Variants in BLM observed in about 807,000 individuals in gnomAD.
BLM encodes BLM RecQ like helicase, also known as recQ-like DNA helicase BLM.
In BLM, 95 loss-of-function variants were observed where a neutral mutation model predicts 135.3. The observed-to-expected ratio is 0.70, with a 90% confidence interval of 0.59 to 0.83. The LOEUF (loss-of-function observed/expected upper bound fraction) is 0.83. Among genes scored for constraint, BLM ranks in the 40% least tolerant of loss-of-function variants. The pLI is 0.00. For synonymous variants in BLM, 520 were observed against 589.2 expected, an observed-to-expected ratio of 0.88 and a Z score of 1.70; for missense variants, 1,518 against 1,663.9, an observed-to-expected ratio of 0.91 and a Z score of 1.53.
intron 1 of BLM, among the ~76,000 whole-genome samples, chr15:90,747,186 A>G (rs1225270306): frequency 7.1e-6 from 1 of 141,502 alleles, no homozygotes; most frequent in East Asian, 2.2e-4. Flanking sequence ...TTAGTTGAAG[A>G]TTATATATTT....
chr15:90,775,345 G>A (rs534663413), intron 12 of BLM, among the ~76,000 whole-genome samples: 1 of 152,086 alleles, frequency 6.6e-6, no homozygotes, highest in South Asian at 2.1e-4. Flanking sequence ...TAAGGGATGA[G>A]TGGATGACCA....
At position 90,798,379 on chromosome 15, in the gene BLM, A is replaced by G. The variant is rs187046493; in HGVS notation, c.3358+42A>G. 12 of 1,593,006 alleles carry G rather than the reference A, an allele frequency of 7.5e-6. No homozygotes were observed. In the East Asian group the frequency reaches 2.7e-4, roughly 36 times the overall value. On this transcript the variant is annotated intron_variant, in intron 17 of 21. Transcript: ENST00000355112. The stretch of plus-strand genomic sequence containing the variant: ...GAATGTTTGAGTTACTTCAATTGAA[A>G]TTGAACATCTAAAGAATTTATTACA...
At position 90,729,598 on chromosome 15, in the gene BLM, C is replaced by T. The variant is rs146024553; in HGVS notation, c.-5+12158C>T. Among the ~76,000 whole-genome samples the T allele has an allele frequency of 2.0e-3, 298 of 152,308 alleles. 1 individual carries two copies. The highest frequency in any genetic ancestry group is 7.0e-3 in the African/African-American group (290 of 41,576). On this transcript the variant is annotated intron_variant, in intron 1 of 21. Transcript: ENST00000355112. ...TGGTCTGTCATCTTATTTCCTCTTC[C>T]ACTTAAAAAGACACTTGTGATTGCA...
intron 17 of BLM, among the ~76,000 whole-genome samples, chr15:90,800,135 C>A (rs1229802435): frequency 6.6e-6 from 1 of 152,156 alleles, no homozygotes; most frequent in Non-Finnish European, 1.5e-5. Context: ...GCCTTCTGCT[C>A]AAAATAATTT....
At chr15:90,748,368 A>G (rs1194055036) in intron 2 of BLM, among the ~76,000 whole-genome samples, 1 of 152,090 alleles carries the variant, frequency 6.6e-6, no homozygotes, top group Non-Finnish European at 1.5e-5. Context: ...TTGGCCTCCC[A>G]AAGTGCTGGG....
intron 5 of BLM, 192 bp downstream of exon 5, chr15:90,755,130 T>G: frequency 1.5e-6 from 1 of 664,808 alleles, no homozygotes; most frequent in Non-Finnish European, 2.5e-6. Context: ...GAACTCATGC[T>G]CTCACAAGGG....
chr15:90,792,619 G>A (rs1259947849), intron 15 of BLM, among the ~76,000 whole-genome samples: 2 of 152,232 alleles, frequency 1.3e-5, no homozygotes, highest in East Asian at 1.9e-4. Context: ...AATAAGAGTC[G>A]TTGTAGTAGT....
rs1567044034 is a variant in BLM, at chr15:90,767,005, A to G, written c.2289A>G (p.Leu763=). Reference sequence around the variant, plus strand: ...AAAAAGACCCAATCATAAAACTTCTATATGTCACTCCAGAAAAGGTTTGTA... The same window carrying G: ...AAAAAGACCCAATCATAAAACTTCTGTATGTCACTCCAGAAAAGGTTTGTA... ...LSKKDPIIKL[L]YVTPEKICAS... is the part of the protein sequence containing the mutation. Residue 763 remains leucine, a synonymous_variant, in exon 10 of 22, where the codon CTA becomes CTG. Transcript: ENST00000355112. 2.6e-6 allele frequency: 4 copies of G among 1,562,198 alleles called. No individual in the cohort carries two copies. The highest frequency in any genetic ancestry group is 3.5e-6 in the Non-Finnish European group (4 of 1,134,964).
intron 12 of BLM, among the ~76,000 whole-genome samples, chr15:90,772,308 A>G (rs948009123): frequency 1.3e-5 from 2 of 152,206 alleles, no homozygotes; most frequent in African/African-American, 4.8e-5. Context: ...GGGAAATATA[A>G]GGCACACAAA....
chr15:90,732,604 A>G (rs1214773742), intron 1 of BLM, among the ~76,000 whole-genome samples: 1 of 151,572 alleles, frequency 6.6e-6, no homozygotes, highest in East Asian at 1.9e-4. Context: ...AAAAAAAAAA[A>G]GGTAAGGCAC....
chr15:90,743,541 T>C (rs1895423880), intron 1 of BLM, among the ~76,000 whole-genome samples: 1 of 152,130 alleles, frequency 6.6e-6, no homozygotes, highest in Non-Finnish European at 1.5e-5. Flanking sequence ...GAACAATTTT[T>C]TTTAAGAGAT....
chr15:90,740,649 T>A (rs1034791633), intron 1 of BLM, among the ~76,000 whole-genome samples: 1 of 152,304 alleles, frequency 6.6e-6, no homozygotes, highest in South Asian at 2.1e-4. Context: ...TGTGTCCCCA[T>A]TGAAATCTCA....
chr15:90,719,293 G>GGT (rs1894703721), intron 1 of BLM, among the ~76,000 whole-genome samples: 1 of 152,150 alleles, frequency 6.6e-6, no homozygotes, highest in Non-Finnish European at 1.5e-5. Context: ...CCGGCCATGA[G>GGT]TGAGATTTTA....
intron 1 of BLM, among the ~76,000 whole-genome samples, chr15:90,722,144 C>G (rs1894785383): frequency 6.6e-6 from 1 of 151,782 alleles, no homozygotes; most frequent in Non-Finnish European, 1.5e-5. Flanking sequence ...GAGTCTCACT[C>G]TCTCTCCCAG....
chr15:90,787,742 G>A (rs1896789014), intron 14 of BLM, among the ~76,000 whole-genome samples: 1 of 152,074 alleles, frequency 6.6e-6, no homozygotes. Flanking sequence ...TGAGATCAAG[G>A]AGTTTGAGAC....
chr15:90,761,578 TG>T (rs1184040801), intron 7 of BLM, among the ~76,000 whole-genome samples: 4 of 152,240 alleles, frequency 2.6e-5, no homozygotes, highest in Non-Finnish European at 4.4e-5. Context: ...GATTTTGGGA[TG>T]GGCAAAAGCA....
rs917331186 is a variant in BLM at position 90,719,173 on chromosome 15, A to G, written c.-5+1733A>G. 5.3e-5 allele frequency among the ~76,000 whole-genome samples: 8 copies of G among 152,162 alleles called. No homozygotes were observed. In the East Asian group the frequency reaches 1.4e-3, roughly 26 times the overall value. The stretch of plus-strand genomic sequence containing the variant: ...CGCCCAGCTAATTTTTTGTATTTTT[A>G]GTAGAGACGGGGTTTCACTGTGTTA... On this transcript the variant is annotated intron_variant, in intron 1 of 21. Transcript: ENST00000355112.
chr15:90,727,236 ACTC>A (rs539887660), intron 1 of BLM, among the ~76,000 whole-genome samples: 42 of 151,290 alleles, frequency 2.8e-4, no homozygotes, highest in Non-Finnish European at 5.2e-4. Flanking sequence ...CTGGTCCTGA[ACTC>A]CTAGCCTCAA....
intron 1 of BLM, among the ~76,000 whole-genome samples, chr15:90,734,303 T>G (rs1895143725): frequency 6.6e-6 from 1 of 152,038 alleles, no homozygotes; most frequent in Non-Finnish European, 1.5e-5. Flanking sequence ...TTTTTTTTTT[T>G]TTGAGATGGA....
Sources: allele counts gnomAD v4.1 joint callset (sites outside exome capture counted in the v4.1 genomes callset), GRCh38; gene constraint gnomAD v4.1.1; transcripts MANE v1.5; gene names NCBI Gene and HGNC (gene_info 2026-07-23, HGNC 2026-07-21).